PI15: variants seen among roughly 807,000 people sequenced by gnomAD.
The protein encoded by PI15 is peptidase inhibitor 15.
PI15 carries 18 observed loss-of-function variants against 31.0 expected under a neutral mutation model. The observed-to-expected ratio is 0.58, with a 90% CI of 0.40 to 0.86. The LOEUF (loss-of-function observed/expected upper bound fraction) is 0.86. Among genes scored for constraint, PI15 ranks in the 40% least tolerant of loss-of-function variants. PI15 has a pLI of 0.00. For missense variants in PI15, 282 were observed against 328.1 expected (o/e 0.86, Z 1.09); for synonymous variants, 118 against 119.1 (o/e 0.99, Z 0.06).
At chr8:74,843,767 G>A (rs1420910367) in intron 2 of PI15, among the ~76,000 whole-genome samples, 2 of 152,138 alleles carry the variant, frequency 1.3e-5, no homozygotes, top group African/African-American at 4.8e-5. Context: ...AGGAGGCTGA[G>A]ACAGGAGAAT....
intron 2 of PI15, among the ~76,000 whole-genome samples, chr8:74,835,689 G>A (rs1810862983): frequency 6.6e-6 from 1 of 152,158 alleles, no homozygotes; most frequent in African/African-American, 2.4e-5. Flanking sequence ...CCTTACTTGG[G>A]AAGTGCTTTA....
intron 2 of PI15, among the ~76,000 whole-genome samples, chr8:74,834,019 C>G (rs1023552744): frequency 5.9e-5 from 9 of 152,130 alleles, no homozygotes; most frequent in African/African-American, 2.2e-4. Context: ...TGAGAAGGAT[C>G]TAGGTTGTGC....
chr8:74,842,556 A>G (rs1326037056), intron 2 of PI15, among the ~76,000 whole-genome samples: 2 of 152,174 alleles, frequency 1.3e-5, no homozygotes, highest in Non-Finnish European at 2.9e-5. Flanking sequence ...TATAATGTGT[A>G]TAAGAATTAT....
intron 3 of PI15, 99 bp from the exon 4 acceptor site, chr8:74,845,029 G>C: frequency 9.7e-7 from 1 of 1,035,422 alleles, no homozygotes; most frequent in Non-Finnish European, 1.5e-6. Flanking sequence ...GGATCATCAT[G>C]AATAATCTGC....
Position 74,850,474 on chromosome 8 carries a change from AG to A in PI15, c.*1223del, listed in dbSNP as rs1185905070. ...CAAAGGATTCCAAAAAGAGATGTGG[AG>A]GTGCTGAGGGCACCTCTATCTCTTT... On this transcript the variant is annotated 3_prime_UTR_variant, in exon 6 of 6. Transcript: ENST00000260113. 2.0e-5 allele frequency: 3 copies of A among 152,146 alleles called. No individual in the cohort carries two copies. The highest frequency in any genetic ancestry group is 4.8e-5 in the African/African-American group (2 of 41,436). The allele number at this position is 152,146 out of a possible 1,614,324, so 9.4% of individuals were successfully genotyped here.
chr8:74,849,012 A>T, intron 5 of PI15, 106 bp from the exon 6 acceptor site: 1 of 893,600 alleles, frequency 1.1e-6, no homozygotes, highest in Non-Finnish European at 1.7e-6. Context: ...AACTTCTCAA[A>T]CGGATCATCA....
chr8:74,829,186 TA>T (rs781580017), intron 2 of PI15, among the ~76,000 whole-genome samples: 3 of 152,152 alleles, frequency 2.0e-5, no homozygotes, highest in Non-Finnish European at 4.4e-5. Flanking sequence ...TATGTGTTTA[TA>T]ATTAGCATTA....
chr8:74,848,513 T>A (rs1339176896), intron 5 of PI15, among the ~76,000 whole-genome samples: 16 of 151,552 alleles, frequency 1.1e-4, no homozygotes, highest in Non-Finnish European at 2.2e-4. Flanking sequence ...TTAGTGTGAG[T>A]TTAAAAGGAG....
At chr8:74,837,364 A>G (rs887412660) in intron 2 of PI15, among the ~76,000 whole-genome samples, 1 of 151,042 alleles carries the variant, frequency 6.6e-6, no homozygotes, top group Non-Finnish European at 1.5e-5. Flanking sequence ...CCTCTGCCCC[A>G]CCCTCCCCTT....
chr8:74,844,203 T>A, intron 3 of PI15, 104 bp downstream of exon 3: 1 of 730,198 alleles, frequency 1.4e-6, no homozygotes, highest in Non-Finnish European at 2.5e-6. Flanking sequence ...AAATTCTTAT[T>A]GAATGCTCAC....
Position 74,849,483 on chromosome 8 carries a change from T to TA in PI15, c.*231dup. ...CCTCTAAGCCTAAATTAAGATATTG[T>TA]ATATGTAATGATGACATAGTTGATG... On this transcript the variant is annotated 3_prime_UTR_variant, in exon 6 of 6. Coordinates refer to ENST00000260113, the MANE Select transcript of PI15 (RefSeq NM_015886.5). The TA allele has an allele frequency of 2.4e-6, 1 of 412,640 alleles. No individual in the cohort carries two copies. The allele number at this position is 412,640 out of a possible 1,614,324, so 25.6% of individuals were successfully genotyped here.
At chr8:74,839,682 G>T (rs117497006) in intron 2 of PI15, among the ~76,000 whole-genome samples, 219 of 152,246 alleles carry the variant, frequency 1.4e-3, no homozygotes, top group Admixed American at 2.6e-3. Flanking sequence ...GTTGAATATG[G>T]TTTAATAAGA....
At chr8:74,844,125 T>A in intron 3 of PI15, 26 bp downstream of exon 3, 1 of 943,656 alleles carries the variant, frequency 1.1e-6, no homozygotes, top group Non-Finnish European at 1.8e-6. Context: ...ACTGATGCAG[T>A]TCATCCACAT....
intron 2 of PI15, among the ~76,000 whole-genome samples, chr8:74,835,856 C>G (rs1810865597): frequency 6.6e-6 from 1 of 152,192 alleles, no homozygotes; most frequent in Admixed American, 6.5e-5. Flanking sequence ...AATACTCTTT[C>G]TCAAAATTCT....
intron 2 of PI15, among the ~76,000 whole-genome samples, chr8:74,834,954 A>C (rs1810839988): frequency 6.6e-6 from 1 of 152,162 alleles, no homozygotes; most frequent in South Asian, 2.1e-4. Context: ...GTAAATGCAG[A>C]CGATGTTGTT....
In PI15 at chr8:74,853,861, T is replaced by C. The variant is rs911662377; in HGVS notation, c.*4608T>C. 1 of 151,892 alleles carries C rather than the reference T, an allele frequency of 6.6e-6. No individual in the cohort carries two copies. Among genetic ancestry groups the C allele is most frequent in the African/African-American group, 2.4e-5 (1 of 41,378 alleles). 9.4% of individuals were successfully genotyped at this position (151,892 alleles called of 1,614,324 possible). A position where few individuals can be genotyped will look rare whatever the true frequency, so the allele number is the denominator to read the frequency against. ...CTTTTTTTTTTCTGAATTAATTAGG[T>C]ATTGGTAAAATATATTTTTAAATTT... On this transcript the variant is annotated 3_prime_UTR_variant, in exon 6 of 6. Coordinates refer to ENST00000260113, the MANE Select transcript of PI15 (RefSeq NM_015886.5).
At chr8:74,847,791 G>A (rs887317500) in intron 5 of PI15, among the ~76,000 whole-genome samples, 5 of 152,048 alleles carry the variant, frequency 3.3e-5, no homozygotes, top group African/African-American at 7.2e-5. Context: ...TACTTTGTGA[G>A]TCACTGCTTG....
At chr8:74,829,028 T>C (rs17358302) in intron 2 of PI15, among the ~76,000 whole-genome samples, 32,088 of 145,222 alleles carry the variant, frequency 0.22, 4,045 homozygotes, top group Middle Eastern at 0.29. Context: ...AGTTACTTTG[T>C]GCATTTCTTG....
intron 3 of PI15, 149 bp downstream of exon 3, chr8:74,844,248 T>C: frequency 1.5e-6 from 1 of 655,198 alleles, no homozygotes; most frequent in Non-Finnish European, 2.7e-6. Flanking sequence ...CCTATGAATA[T>C]TTTAGATGTC....
Sources: allele counts gnomAD v4.1 joint callset (sites outside exome capture counted in the v4.1 genomes callset), GRCh38; gene constraint gnomAD v4.1.1; transcripts MANE v1.5; gene names NCBI Gene and HGNC (gene_info 2026-07-23, HGNC 2026-07-21).